The following CNTN4 variants were observed in gnomAD, a reference collection of about 807,000 sequenced individuals.
CNTN4 encodes contactin-4.
A neutral mutation model predicts 122.5 loss-of-function variants in CNTN4; 77 were observed. That is an observed-to-expected ratio of 0.63 (90% CI 0.52 to 0.76). The LOEUF is 0.76. CNTN4 is among the 30% of genes least tolerant of loss of function. The pLI, the probability that CNTN4 is intolerant of heterozygous loss-of-function variation, is 0.00. For synonymous variants in CNTN4, 512 were observed against 447.0 expected (o/e 1.15, Z -1.83); for missense variants, 1,256 against 1,259.1 (o/e 1.00, Z 0.04).
At chr3:2,275,939 A>AAC (rs2041492229) in intron 2 of CNTN4, among the ~76,000 whole-genome samples, 1 of 30,908 alleles carries the variant, frequency 3.2e-5, no homozygotes, top group African/African-American at 9.3e-5. Context: ...AAAAAAAAAC[A>AAC]AAAAAAAATA....
In CNTN4 at chr3:2,164,999, C is replaced by T. The variant is rs189618036; in HGVS notation, c.-145+64360C>T. Reference sequence around the variant, plus strand: ...GATATATGGGTCACAAATGCTGCTACAAGACTGGCCCTGGGCAGATTGCAT... The same window carrying T: ...GATATATGGGTCACAAATGCTGCTATAAGACTGGCCCTGGGCAGATTGCAT... On this transcript the variant is annotated intron_variant, in intron 2 of 24. Coordinates refer to ENST00000418658, the MANE Select transcript of CNTN4 (RefSeq NM_175607.3). Among the ~76,000 whole-genome samples the T allele has an allele frequency of 7.9e-5, 12 of 152,248 alleles. 1 individual carries two copies. The East Asian group carries it at 2.3e-3, about 29-fold the overall frequency.
intron 19 of CNTN4, chr3:3,039,249 C>A (rs1277719617): frequency 4.6e-6 from 2 of 432,524 alleles, no homozygotes; most frequent in South Asian, 3.6e-5. Flanking sequence ...AGACAACACA[C>A]GTTACAAAAA....
intron 3 of CNTN4, among the ~76,000 whole-genome samples, chr3:2,461,788 A>G (rs1313256444): frequency 2.0e-5 from 3 of 152,232 alleles, no homozygotes; most frequent in African/African-American, 4.8e-5. Context: ...CATTTACTTA[A>G]TAACTACTGG....
intron 12 of CNTN4, among the ~76,000 whole-genome samples, chr3:2,907,261 C>A (rs184495925): frequency 5.9e-5 from 9 of 152,184 alleles, no homozygotes; most frequent in Non-Finnish European, 1.2e-4. Flanking sequence ...AAAATGGAAA[C>A]AAGATAATCT....
intron 6 of CNTN4, among the ~76,000 whole-genome samples, chr3:2,747,288 A>G (rs1476648511): frequency 6.6e-6 from 1 of 151,394 alleles, no homozygotes; most frequent in Admixed American, 6.6e-5. Context: ...AGGTGCCTGT[A>G]GTCCCAGCTG....
At chr3:2,259,703 C>G (rs759286388) in intron 2 of CNTN4, among the ~76,000 whole-genome samples, 1 of 152,104 alleles carries the variant, frequency 6.6e-6, no homozygotes, top group Non-Finnish European at 1.5e-5. Flanking sequence ...GCAAACCACC[C>G]GTATGATTCA....
intron 4 of CNTN4, among the ~76,000 whole-genome samples, chr3:2,615,688 G>C (rs1399628144): frequency 6.6e-6 from 1 of 152,090 alleles, no homozygotes. Flanking sequence ...AATGTATAGA[G>C]TTGTGCAATT....
intron 3 of CNTN4, among the ~76,000 whole-genome samples, chr3:2,411,940 ATTAACTTTAAAAGTTCTCTTTTACTCC>A (rs2047239392): frequency 6.6e-6 from 1 of 152,140 alleles, no homozygotes; most frequent in Non-Finnish European, 1.5e-5. Context: ...GAATATTTCC[ATTAACTTTAAAAGTTCTCTTTTACTCC>A]TTGTCTGTCA....
chr3:2,616,020 C>CTT (rs35080057), intron 4 of CNTN4, among the ~76,000 whole-genome samples: 4,861 of 142,984 alleles, frequency 0.034, 232 homozygotes, highest in African/African-American at 0.11. Flanking sequence ...CTCAGGCTGC[C>CTT]TTTTTTTTTT....
intron 14 of CNTN4, among the ~76,000 whole-genome samples, chr3:3,013,359 A>G (rs969337175): frequency 6.6e-6 from 1 of 152,146 alleles, no homozygotes; most frequent in Non-Finnish European, 1.5e-5. Flanking sequence ...TGACATGTTT[A>G]GCAAAAGCTA....
At chr3:2,701,370 A>G (rs1403392875) in intron 4 of CNTN4, among the ~76,000 whole-genome samples, 1 of 152,178 alleles carries the variant, frequency 6.6e-6, no homozygotes, top group Non-Finnish European at 1.5e-5. Flanking sequence ...GCAGGAGATG[A>G]AGCAAAACGA....
At chr3:2,401,906 A>G (rs1471965455) in intron 3 of CNTN4, among the ~76,000 whole-genome samples, 1 of 152,174 alleles carries the variant, frequency 6.6e-6, no homozygotes, top group Non-Finnish European at 1.5e-5. Flanking sequence ...TTTGCCAGCA[A>G]AGTAATACCT....
At chr3:2,521,343 T>TCGCCCCCCCCCCC (rs781282977) in intron 3 of CNTN4, among the ~76,000 whole-genome samples, 115 of 128,224 alleles carry the variant, frequency 9.0e-4, no homozygotes, top group East Asian at 2.1e-3. Flanking sequence ...CCTCTACCCA[T>TCGCCCCCCCCCCC]CCCCCCCACC....
chr3:2,557,341 C>T (rs1325226861), intron 3 of CNTN4, among the ~76,000 whole-genome samples: 1 of 152,184 alleles, frequency 6.6e-6, no homozygotes, highest in East Asian at 1.9e-4. Context: ...GGAGCTTACG[C>T]TAGTAGTAAA....
At chr3:2,406,356 T>C (rs550395095) in intron 3 of CNTN4, among the ~76,000 whole-genome samples, 2 of 152,246 alleles carry the variant, frequency 1.3e-5, no homozygotes, top group African/African-American at 2.4e-5. Context: ...TTCAATCTCA[T>C]CATGAGGCTG....
intron 4 of CNTN4, among the ~76,000 whole-genome samples, chr3:2,572,770 A>T (rs951041101): frequency 1.3e-5 from 2 of 152,170 alleles, no homozygotes; most frequent in Non-Finnish European, 2.9e-5. Flanking sequence ...TATAATCCTG[A>T]TCAAAACAGA....
At chr3:2,147,754 G>A (rs1425677090) in intron 2 of CNTN4, among the ~76,000 whole-genome samples, 1 of 152,134 alleles carries the variant, frequency 6.6e-6, no homozygotes, top group Non-Finnish European at 1.5e-5. Context: ...TTGGAGATGT[G>A]CTTCCTTTCA....
chr3:2,879,305 T>G (rs2093880673), intron 8 of CNTN4, among the ~76,000 whole-genome samples: 1 of 152,164 alleles, frequency 6.6e-6, no homozygotes, highest in Admixed American at 6.5e-5. Flanking sequence ...TAGGAAGGAT[T>G]CTGCCCAGAG....
intron 4 of CNTN4, among the ~76,000 whole-genome samples, chr3:2,727,739 G>T (rs908302621): frequency 5.3e-5 from 8 of 152,164 alleles, no homozygotes; most frequent in Admixed American, 1.3e-4. Context: ...GCATTATTTT[G>T]TTAACAAGAG....
Sources: allele counts gnomAD v4.1 joint callset (sites outside exome capture counted in the v4.1 genomes callset), GRCh38; gene constraint gnomAD v4.1.1; transcripts MANE v1.5; gene names NCBI Gene and HGNC (gene_info 2026-07-23, HGNC 2026-07-21).